The following SPATA6 variants were observed in gnomAD, a reference collection of about 807,000 sequenced individuals.
The protein encoded by SPATA6 is spermatogenesis associated 6.
In SPATA6, 56 loss-of-function variants were observed where a neutral mutation model predicts 65.3. That is an observed-to-expected ratio of 0.86 (90% CI 0.69 to 1.07). SPATA6 has a LOEUF of 1.07. Among genes scored for constraint, SPATA6 ranks in the 50% least tolerant of loss-of-function variants. SPATA6 has a pLI of 0.00. For missense variants in SPATA6, 590 were observed against 594.8 expected (o/e 0.99, Z 0.08); for synonymous variants, 199 against 213.2 (o/e 0.93, Z 0.58).
chr1:48,311,954 C>A (rs1017684910), intron 11 of SPATA6, among the ~76,000 whole-genome samples: 22 of 152,288 alleles, frequency 1.4e-4, no homozygotes, highest in East Asian at 1.9e-4. Flanking sequence ...CCTACGCCCA[C>A]GGAGCCTCAC....
In SPATA6 at chr1:48,355,034, T is replaced by G. The variant is rs554699143; in HGVS notation, c.1194+636A>C. On this transcript the variant is annotated intron_variant, in intron 11 of 12. Transcript: ENST00000371847. ...TACCCCCCCAAGACTAATCTTAGTG[T>G]CCAGCACACATTGATGATAAATGAT... is the stretch of plus-strand genomic sequence containing the variant. Among the ~76,000 whole-genome samples the G allele has an allele frequency of 1.1e-3, 175 of 152,194 alleles. 2 individuals are homozygous for G. The highest frequency in any genetic ancestry group is 4.1e-3 in the African/African-American group (171 of 41,548).
chr1:48,451,599 A>G lies in SPATA6; in HGVS notation c.191T>C (p.Val64Ala). 1 of 1,610,712 alleles carries G rather than the reference A, an allele frequency of 6.2e-7. No homozygotes were observed. ...TCCAGGATCTACTGCGTCCGGGAAC[A>G]CCTATAGTGAGACGATACAGGGAGA... is the stretch of plus-strand genomic sequence containing the variant. ...VFNARMVFEK[V>A]FPDAVDPGDV... Residue 64 changes from valine (V) to alanine (A), a missense_variant and splice_region_variant, in exon 3 of 13, where the codon GTG becomes GCG. By Grantham distance (64) the Val-to-Ala change is moderately conservative. Coordinates refer to ENST00000371847, the MANE Select transcript of SPATA6 (RefSeq NM_019073.4).
At position 48,326,531 on chromosome 1, in the gene SPATA6, A is replaced by G. The variant is rs115921485; in HGVS notation, c.1195-20653T>C. Among the ~76,000 whole-genome samples, 893 of 151,960 alleles carry G rather than the reference A, an allele frequency of 5.9e-3. 12 individuals carry two copies. Among genetic ancestry groups the G allele is most frequent in the African/African-American group, 0.02 (842 of 41,526 alleles). Reference sequence around the variant, plus strand: ...AAAGTTCATATGAAACAAAAAAAAAAAAAAAGAAAAAGCCTGAATAGCTAA... The same window carrying G: ...AAAGTTCATATGAAACAAAAAAAAAGAAAAAGAAAAAGCCTGAATAGCTAA... On this transcript the variant is annotated intron_variant, in intron 11 of 12. Coordinates refer to ENST00000371847, the MANE Select transcript of SPATA6 (RefSeq NM_019073.4).
chr1:48,428,226 A>G (rs1249529471), intron 3 of SPATA6, among the ~76,000 whole-genome samples: 1 of 152,160 alleles, frequency 6.6e-6, no homozygotes, highest in Non-Finnish European at 1.5e-5. Context: ...AGACTGAGCC[A>G]GGCAGATCAC....
chr1:48,342,470 G>C (rs1277383507), intron 11 of SPATA6, among the ~76,000 whole-genome samples: 1 of 151,900 alleles, frequency 6.6e-6, no homozygotes, highest in East Asian at 1.9e-4. Flanking sequence ...AAAATAATTA[G>C]TCGGACGTGG....
intron 11 of SPATA6, among the ~76,000 whole-genome samples, chr1:48,323,613 A>G (rs1397529116): frequency 7.1e-6 from 1 of 140,458 alleles, no homozygotes; most frequent in East Asian, 2.0e-4. Context: ...AGCCACAACA[A>G]CAGAAAAAAA....
chr1:48,434,874 G>A (rs963617793), intron 3 of SPATA6, among the ~76,000 whole-genome samples: 1 of 152,038 alleles, frequency 6.6e-6, no homozygotes, highest in Non-Finnish European at 1.5e-5. Context: ...GTAGATTCCA[G>A]AATTAAAACC....
At chr1:48,323,080 C>A (rs1231845578) in intron 11 of SPATA6, among the ~76,000 whole-genome samples, 1 of 152,080 alleles carries the variant, frequency 6.6e-6, no homozygotes, top group African/African-American at 2.4e-5. Context: ...GGTATATACC[C>A]AAAGGATTAT....
At chr1:48,310,543 C>T (rs1645177618) in intron 11 of SPATA6, among the ~76,000 whole-genome samples, 1 of 152,112 alleles carries the variant, frequency 6.6e-6, no homozygotes, top group South Asian at 2.1e-4. Flanking sequence ...TGAGAGCCCC[C>T]TAGGACTCTG....
At chr1:48,433,336 AAATT>A (rs962605280) in intron 3 of SPATA6, among the ~76,000 whole-genome samples, 6 of 152,168 alleles carry the variant, frequency 3.9e-5, no homozygotes, top group African/African-American at 1.4e-4. Context: ...GAAAGACTAT[AAATT>A]ATTTAAAGAA....
chr1:48,363,950 C>A (rs1026081342), intron 9 of SPATA6, among the ~76,000 whole-genome samples: 5 of 152,032 alleles, frequency 3.3e-5, no homozygotes, highest in Admixed American at 2.0e-4. Context: ...ATCCCTCCCC[C>A]CTTCCCCCAC....
At chr1:48,264,017 C>T in the SPATA6 span, among the ~76,000 whole-genome samples, 8 of 152,024 alleles carry the variant, frequency 5.3e-5, no homozygotes, top group Non-Finnish European at 1.0e-4. Context: ...TTTGTAGAAG[C>T]TAAGTCTTGC....
intron 11 of SPATA6, among the ~76,000 whole-genome samples, chr1:48,349,526 T>C (rs1226319603): frequency 6.6e-6 from 1 of 151,924 alleles, no homozygotes; most frequent in Non-Finnish European, 1.5e-5. Flanking sequence ...TTTCATATAG[T>C]AAAGTTAACT....
At chr1:48,271,773 G>C in the SPATA6 span, among the ~76,000 whole-genome samples, 1 of 152,078 alleles carries the variant, frequency 6.6e-6, no homozygotes, top group Non-Finnish European at 1.5e-5. Context: ...AGTTTGCTAA[G>C]TGCTATAATA....
intron 7 of SPATA6, among the ~76,000 whole-genome samples, chr1:48,396,783 A>T (rs1394458837): frequency 6.6e-6 from 1 of 151,606 alleles, no homozygotes; most frequent in Non-Finnish European, 1.5e-5. Context: ...ATGGAAAGTT[A>T]TTGCTTAATG....
chr1:48,313,433 C>T (rs6669437), intron 11 of SPATA6, among the ~76,000 whole-genome samples: 37,183 of 151,880 alleles, frequency 0.24, 4,757 homozygotes, highest in Admixed American at 0.3. Context: ...AATTTCATAT[C>T]CAGCCAAACT....
In SPATA6 at chr1:48,334,324, C is replaced by CA. The variant is rs376318861; in HGVS notation, c.1194+21345dup. ...ATACCAAAACCTGGAAGAGACACAA[C>CA]AAAAAAAAAAGAAAACTTCCACCCA... On this transcript the variant is annotated intron_variant, in intron 11 of 12. Transcript: ENST00000371847. 1.1e-3 allele frequency among the ~76,000 whole-genome samples: 161 copies of CA among 145,718 alleles called. 2 individuals carry two copies. Among genetic ancestry groups the CA allele is most frequent in the East Asian group, 1.4e-3 (7 of 4,920 alleles).
At chr1:48,431,826 A>C (rs1654431196) in intron 3 of SPATA6, among the ~76,000 whole-genome samples, 1 of 152,194 alleles carries the variant, frequency 6.6e-6, no homozygotes, top group Admixed American at 6.5e-5. Context: ...AAAAATAAGA[A>C]AGGGCAGGGT....
At chr1:48,328,039 G>C (rs1043108803) in intron 11 of SPATA6, among the ~76,000 whole-genome samples, 1 of 151,928 alleles carries the variant, frequency 6.6e-6, no homozygotes, top group Admixed American at 6.6e-5. Context: ...AAAATAATTT[G>C]AATATATATT....
Sources: allele counts gnomAD v4.1 joint callset (sites outside exome capture counted in the v4.1 genomes callset), GRCh38; gene constraint gnomAD v4.1.1; transcripts MANE v1.5; gene names NCBI Gene and HGNC (gene_info 2026-07-23, HGNC 2026-07-21).